The following FAM135B variants were observed in gnomAD, a reference collection of about 807,000 sequenced individuals.
The protein encoded by FAM135B is family with sequence similarity 135 member B, also known as protein FAM135B.
Under a neutral mutation model 127.7 loss-of-function variants are expected in FAM135B, and 43 were observed. That is an observed-to-expected ratio of 0.34 (90% CI 0.26 to 0.43). The LOEUF (loss-of-function observed/expected upper bound fraction) is 0.43, where lower values mean the gene tolerates loss of function less well. FAM135B is among the 20% of genes least tolerant of loss of function. The probability of loss-of-function intolerance (pLI) is 1.00; values close to 1 mark genes in which losing one functional copy is unlikely to be tolerated. For synonymous variants in FAM135B, 670 were observed against 665.1 expected, an observed-to-expected ratio of 1.01 and a Z score of -0.11; for missense variants, 1,558 against 1,725.6, an observed-to-expected ratio of 0.90 and a Z score of 1.72.
rs551819329 is a variant in FAM135B at position 138,473,389 on chromosome 8, C to T, written c.-20+23282G>A. ...CCCAGCATCCTTAGAATGCTTTACA[C>T]AACCCTCCTGTATAAGGGGATAAAG... On this transcript the variant is annotated intron_variant, in intron 1 of 19. Transcript: ENST00000395297. Among the ~76,000 whole-genome samples the T allele has an allele frequency of 3.9e-5, 6 of 152,248 alleles. No individual in the cohort carries two copies. In the South Asian group the frequency reaches 1.2e-3, roughly 32 times the overall value.
chr8:138,456,432 T>C (rs1053708899), intron 1 of FAM135B, among the ~76,000 whole-genome samples: 8 of 152,200 alleles, frequency 5.3e-5, no homozygotes, highest in East Asian at 3.8e-4. Context: ...AGTATTTTCA[T>C]TGGGAGACTA....
chr8:138,180,988 C>T (rs1293177835), intron 9 of FAM135B, among the ~76,000 whole-genome samples: 1 of 152,004 alleles, frequency 6.6e-6, no homozygotes, highest in East Asian at 1.9e-4. Context: ...TACCTGTAAT[C>T]CCAGAACTTT....
chr8:138,277,979 T>C (rs139918902), intron 3 of FAM135B, among the ~76,000 whole-genome samples: 316 of 152,226 alleles, frequency 2.1e-3, no homozygotes, highest in Non-Finnish European at 3.4e-3. Context: ...GATTTCCTCA[T>C]TAGTGTCACC....
intron 3 of FAM135B, among the ~76,000 whole-genome samples, chr8:138,285,121 A>G (rs535789106): frequency 7.2e-6 from 1 of 139,048 alleles, no homozygotes; most frequent in African/African-American, 2.7e-5. Context: ...GAAAACATAT[A>G]TTGGCTCTAC....
At chr8:138,424,330 A>C (rs1202582999) in intron 1 of FAM135B, among the ~76,000 whole-genome samples, 1 of 152,182 alleles carries the variant, frequency 6.6e-6, no homozygotes, top group African/African-American at 2.4e-5. Context: ...GAACTAATAA[A>C]TGTCCATGAC....
chr8:138,305,835 C>T (rs911996784), intron 3 of FAM135B, among the ~76,000 whole-genome samples: 1 of 152,056 alleles, frequency 6.6e-6, no homozygotes, highest in African/African-American at 2.4e-5. Context: ...ATTATACATA[C>T]ACACATATAT....
At chr8:138,146,699 GA>G (rs989839275) in intron 14 of FAM135B, among the ~76,000 whole-genome samples, 10 of 149,320 alleles carry the variant, frequency 6.7e-5, no homozygotes, top group Admixed American at 1.3e-4. Flanking sequence ...AAAGTCATGT[GA>G]AAAAAAAATG....
At chr8:138,275,646 G>C (rs149013048) in intron 3 of FAM135B, among the ~76,000 whole-genome samples, 53 of 152,196 alleles carry the variant, frequency 3.5e-4, no homozygotes, top group African/African-American at 1.2e-3. Flanking sequence ...AGTGAGCCAT[G>C]ATCTTGCCAC....
At chr8:138,426,862 C>T (rs1224396510) in intron 1 of FAM135B, among the ~76,000 whole-genome samples, 2 of 151,322 alleles carry the variant, frequency 1.3e-5, no homozygotes, top group Admixed American at 6.6e-5. Flanking sequence ...GCTTTTAACT[C>T]GATTTCTCCA....
intron 1 of FAM135B, among the ~76,000 whole-genome samples, chr8:138,475,821 A>G (rs1814396866): frequency 6.6e-6 from 1 of 152,238 alleles, no homozygotes; most frequent in Non-Finnish European, 1.5e-5. Context: ...TTACAAAACT[A>G]AACATACTCC....
chr8:138,224,037 G>T (rs866365833), intron 7 of FAM135B, among the ~76,000 whole-genome samples: 20 of 152,090 alleles, frequency 1.3e-4, no homozygotes, highest in South Asian at 1.3e-3. Flanking sequence ...ACTAGAGGAC[G>T]GGGGTGGGGG....
intron 2 of FAM135B, among the ~76,000 whole-genome samples, chr8:138,323,690 A>G (rs1015545483): frequency 4.6e-5 from 7 of 152,118 alleles, no homozygotes; most frequent in Non-Finnish European, 1.0e-4. Flanking sequence ...AGCCAAATAC[A>G]CTTCTTACTG....
Position 138,369,799 on chromosome 8 carries a change from T to C in FAM135B, c.-19-1797A>G, listed in dbSNP as rs547081343. 3.3e-5 allele frequency among the ~76,000 whole-genome samples: 5 copies of C among 152,284 alleles called. No homozygotes were observed. In the South Asian group the frequency reaches 1.0e-3, roughly 32 times the overall value. ...CATAATCACATTAAACATCAACAGC[T>C]GCATTGTCCTCATTTTCTCATCACC... On this transcript the variant is annotated intron_variant, in intron 1 of 19. Coordinates refer to ENST00000395297, the MANE Select transcript of FAM135B (RefSeq NM_015912.4).
chr8:138,162,656 G>T (rs1032323238), intron 12 of FAM135B, among the ~76,000 whole-genome samples: 16 of 152,346 alleles, frequency 1.1e-4, no homozygotes, highest in African/African-American at 3.6e-4. Flanking sequence ...GAATGGGACT[G>T]CTGGGGAATA....
chr8:138,367,428 A>G (rs1393878022), intron 2 of FAM135B: 14 of 456,574 alleles, frequency 3.1e-5, no homozygotes, highest in South Asian at 1.5e-4. Context: ...AGATGAAAGC[A>G]TTATACTTCA....
chr8:138,277,611 A>G (rs1823935062), intron 3 of FAM135B, among the ~76,000 whole-genome samples: 1 of 152,196 alleles, frequency 6.6e-6, no homozygotes, highest in Admixed American at 6.5e-5. Flanking sequence ...GACCAGTCTC[A>G]GGCATAGCCA....
chr8:138,243,120 T>C lies in FAM135B; in HGVS notation c.543-52A>G, dbSNP rs773344311. ...AAAAAGGAGGTAAAGAAAGTGATGG[T>C]GCCATTAACTCAGCCCCTTTGAGGA... On this transcript the variant is annotated intron_variant, in intron 6 of 19. Coordinates refer to ENST00000395297, the MANE Select transcript of FAM135B (RefSeq NM_015912.4). The surrounding 1 kb of genome is among the most constrained non-coding windows in gnomAD (Gnocchi z 7.5). 4 of 1,569,806 alleles carry C rather than the reference T, an allele frequency of 2.5e-6. No homozygotes were observed. Among genetic ancestry groups the C allele is most frequent in the Non-Finnish European group, 1.7e-6 (2 of 1,159,388 alleles).
rs770702397 is a variant in FAM135B, at chr8:138,146,049, C to T, written c.3450G>A (p.Gly1150=). 3.8e-6 allele frequency: 6 copies of T among 1,584,400 alleles called. No homozygotes were observed. Among genetic ancestry groups the T allele is most frequent in the Non-Finnish European group, 5.2e-6 (6 of 1,154,718 alleles). ...HLVVCVHGLD[G]NSADLRLVKT... Reference sequence around the variant, plus strand: ...TTACCAGCCGGAGGTCTGCACTGTTCCCTAAAAATGACAGATAACCCCCAT... The same window carrying T: ...TTACCAGCCGGAGGTCTGCACTGTTTCCTAAAAATGACAGATAACCCCCAT... The change falls in exon 15 of 20, where the codon GGG becomes GGA. Residue 1150 remains glycine, a splice_region_variant and synonymous_variant. Transcript: ENST00000395297.
At chr8:138,405,850 T>G (rs1375783935) in intron 1 of FAM135B, among the ~76,000 whole-genome samples, 1 of 151,956 alleles carries the variant, frequency 6.6e-6, no homozygotes, top group Non-Finnish European at 1.5e-5. Flanking sequence ...AGTGTTCCTA[T>G]TTCTCCACAT....
Sources: gnomAD v4.1 joint callset for allele counts (sites outside exome capture counted in the v4.1 genomes callset) on GRCh38, gnomAD v4.1.1 for gene constraint, Gnocchi (gnomAD v3.1) non-coding constraint, MANE v1.5 for transcripts, NCBI Gene and HGNC (gene_info 2026-07-23, HGNC 2026-07-21) for gene names.